The following NRG1 variants were observed in gnomAD, a reference collection of about 807,000 sequenced individuals.
NRG1 encodes pro-neuregulin-1, membrane-bound isoform.
Under a neutral mutation model 63.8 loss-of-function variants are expected in NRG1, and 18 were observed. The observed-to-expected ratio is 0.28, with a 90% CI of 0.19 to 0.42. The LOEUF is 0.42. Ranked by LOEUF, NRG1 falls within the 10% of genes least tolerant of loss-of-function variation. The probability of loss-of-function intolerance (pLI) is 1.00; values close to 1 mark genes in which losing one functional copy is unlikely to be tolerated. For missense variants in NRG1, 762 were observed against 814.7 expected, an observed-to-expected ratio of 0.94 and a Z score of 0.79; for synonymous variants, 302 against 301.3, an observed-to-expected ratio of 1.00 and a Z score of -0.02.
intron 1 of NRG1, among the ~76,000 whole-genome samples, chr8:32,229,007 AAC>A (rs1269374913): frequency 6.6e-6 from 1 of 152,174 alleles, no homozygotes; most frequent in Non-Finnish European, 1.5e-5. Context: ...TGCACCAAGA[AAC>A]ACAGAAAATC....
chr8:32,144,205 G>A (rs1474253847), intron 1 of NRG1, among the ~76,000 whole-genome samples: 1 of 152,110 alleles, frequency 6.6e-6, no homozygotes, highest in African/African-American at 2.4e-5. Context: ...AGCTTCTTCA[G>A]TCATAAAGCA....
intron 1 of NRG1, among the ~76,000 whole-genome samples, chr8:32,439,251 T>C (rs993352989): frequency 3.3e-5 from 5 of 152,200 alleles, no homozygotes; most frequent in Non-Finnish European, 7.3e-5. Context: ...GTTGTACATT[T>C]ACTTCAAATA....
intron 1 of NRG1, among the ~76,000 whole-genome samples, chr8:32,106,418 A>C (rs771874012): frequency 2.6e-5 from 4 of 152,228 alleles, no homozygotes; most frequent in Non-Finnish European, 5.9e-5. Context: ...AGGAAGGCTC[A>C]GGTAGCATAG....
intron 1 of NRG1, among the ~76,000 whole-genome samples, chr8:31,819,071 A>G (rs557683602): frequency 6.6e-6 from 1 of 151,992 alleles, no homozygotes; most frequent in East Asian, 1.9e-4. Context: ...AAACAAAACA[A>G]AAACTTAAAG....
At chr8:32,090,402 C>G (rs954871022) in intron 1 of NRG1, among the ~76,000 whole-genome samples, 1 of 152,140 alleles carries the variant, frequency 6.6e-6, no homozygotes, top group Non-Finnish European at 1.5e-5. Context: ...CCCCCTGCAG[C>G]CTCCGCCTCA....
At chr8:32,533,274 T>C (rs947098459) in intron 1 of NRG1, among the ~76,000 whole-genome samples, 1 of 151,972 alleles carries the variant, frequency 6.6e-6, no homozygotes. Flanking sequence ...ATCTAGAAAA[T>C]ATAAGCTTAA....
At chr8:32,609,662 CTTTTTTTTT>C (rs752378599) in intron 3 of NRG1, among the ~76,000 whole-genome samples, 1 of 99,512 alleles carries the variant, frequency 1.0e-5, no homozygotes, top group Non-Finnish European at 2.0e-5. Context: ...TCTCTCTTTC[CTTTTTTTTT>C]TTTTTTTTTA....
chr8:31,866,197 C>T (rs1828943134), intron 1 of NRG1, among the ~76,000 whole-genome samples: 1 of 152,194 alleles, frequency 6.6e-6, no homozygotes, highest in Admixed American at 6.5e-5. Flanking sequence ...AGTTCAGTAT[C>T]ATGACTTTCA....
intron 7 of NRG1, among the ~76,000 whole-genome samples, chr8:32,743,596 A>ATATATATATATATATATATATAT (rs58229077): frequency 1.1e-4 from 16 of 143,896 alleles, no homozygotes; most frequent in East Asian, 8.1e-4. Context: ...ATATATATAT[A>ATATATATATATATATATATATAT]AAACTTAATA....
chr8:32,398,192 A>G (rs897439911), intron 1 of NRG1, among the ~76,000 whole-genome samples: 2 of 130,652 alleles, frequency 1.5e-5, no homozygotes, highest in Admixed American at 1.5e-4. Flanking sequence ...GTAAAATTAT[A>G]ATCTCCAGCA....
chr8:31,640,330 G>A lies in NRG1; in HGVS notation c.37+899G>A, dbSNP rs1002428380. The A allele has an allele frequency of 1.3e-4, 159 of 1,178,670 alleles. No individual in the cohort carries two copies. The highest frequency in any genetic ancestry group is 1.7e-4 in the Non-Finnish European group (159 of 955,050). The allele number at this position is 1,178,670 out of a possible 1,614,324, so 73.0% of individuals were successfully genotyped here. A position where few individuals can be genotyped will look rare whatever the true frequency, so the allele number is the denominator to read the frequency against. On this transcript the variant is annotated intron_variant, in intron 1 of 10. Transcript: ENST00000519301. This position sits in a 1 kb window ranked among gnomAD's most constrained non-coding sequence, Gnocchi z 6.3. Reference sequence around the variant, plus strand: ...GGCAGGGGCGTGGGGCGGCGATCGCGAGCCGCCAGCCGCGGGCCCACGGGC... The same window carrying A: ...GGCAGGGGCGTGGGGCGGCGATCGCAAGCCGCCAGCCGCGGGCCCACGGGC...
At chr8:32,459,472 T>C (rs1822036194) in intron 1 of NRG1, among the ~76,000 whole-genome samples, 1 of 152,076 alleles carries the variant, frequency 6.6e-6, no homozygotes, top group Non-Finnish European at 1.5e-5. Flanking sequence ...CAGAATGATC[T>C]CTTTGATGTA....
chr8:32,375,752 A>ATATTTGTC, intron 1 of NRG1, among the ~76,000 whole-genome samples: 1 of 152,282 alleles, frequency 6.6e-6, no homozygotes, highest in South Asian at 2.1e-4. Context: ...TTCTGTTCAC[A>ATATTTGTC]TATTTGTCTT....
chr8:32,613,586 A>C (rs976561626), intron 3 of NRG1, among the ~76,000 whole-genome samples: 3 of 152,000 alleles, frequency 2.0e-5, no homozygotes, highest in African/African-American at 4.8e-5. Context: ...TCTCGGTTAG[A>C]TCTCATAATT....
intron 1 of NRG1, among the ~76,000 whole-genome samples, chr8:32,143,133 C>A (rs1252965933): frequency 6.6e-6 from 1 of 152,108 alleles, no homozygotes; most frequent in Non-Finnish European, 1.5e-5. Context: ...CAGCCTCTGT[C>A]AGCTTGGGGA....
chr8:32,348,255 GT>G (rs754461841), intron 1 of NRG1, among the ~76,000 whole-genome samples: 1 of 151,698 alleles, frequency 6.6e-6, no homozygotes, highest in African/African-American at 2.4e-5. Context: ...TTTTTGTTTT[GT>G]TTTGTTTTGT....
At chr8:31,926,185 T>A (rs1834344453) in intron 1 of NRG1, among the ~76,000 whole-genome samples, 1 of 152,172 alleles carries the variant, frequency 6.6e-6, no homozygotes, top group African/African-American at 2.4e-5. Flanking sequence ...TTATTTTCAG[T>A]TTCTCCTTTG....
At chr8:32,324,183 T>A (rs1217953675) in intron 1 of NRG1, among the ~76,000 whole-genome samples, 4 of 152,158 alleles carry the variant, frequency 2.6e-5, no homozygotes, top group Non-Finnish European at 4.4e-5. Flanking sequence ...AGGCCAGGCA[T>A]CTCTTATGTC....
intron 1 of NRG1, among the ~76,000 whole-genome samples, chr8:32,088,585 TG>T (rs143444384): frequency 0.025 from 3,800 of 151,670 alleles, 175 homozygotes; most frequent in African/African-American, 0.087. Context: ...TGGTGCGATC[TG>T]GGCTCATTGC....
Sources: allele counts gnomAD v4.1 joint callset (sites outside exome capture counted in the v4.1 genomes callset), GRCh38; gene constraint gnomAD v4.1.1; non-coding constraint Gnocchi (gnomAD v3.1); transcripts MANE v1.5; gene names NCBI Gene and HGNC (gene_info 2026-07-23, HGNC 2026-07-21).